The following OPCML variants were observed in gnomAD, a reference collection of about 807,000 sequenced individuals.
OPCML encodes opioid binding protein/cell adhesion molecule like, also known as opioid-binding protein/cell adhesion molecule.
A neutral mutation model predicts 37.8 loss-of-function variants in OPCML; 13 were observed. The ratio of observed to expected loss-of-function variants is 0.34; its 90% CI spans 0.22 to 0.55. The LOEUF is 0.55. Ranked by LOEUF, OPCML falls within the 20% of genes least tolerant of loss-of-function variation. The probability of loss-of-function intolerance (pLI) is 0.91; values close to 1 mark genes in which losing one functional copy is unlikely to be tolerated. For missense variants in OPCML, 341 were observed against 435.6 expected (o/e 0.78, Z 1.93); for synonymous variants, 176 against 168.8 (o/e 1.04, Z -0.33).
At chr11:132,769,035 G>A (rs1258245020) in intron 2 of OPCML, among the ~76,000 whole-genome samples, 1 of 151,688 alleles carries the variant, frequency 6.6e-6, no homozygotes, top group East Asian at 1.9e-4. Flanking sequence ...TGCTCTTTGA[G>A]GTCAGCTCTG....
At chr11:133,481,444 A>AAATAAATAAATAAATAAAT (rs57311169) in intron 1 of OPCML, among the ~76,000 whole-genome samples, 9 of 150,210 alleles carry the variant, frequency 6.0e-5, no homozygotes, top group East Asian at 5.9e-4. Flanking sequence ...CCCAGTTAAA[A>AAATAAATAAATAAATAAAT]AAATAAATAA....
intron 3 of OPCML, among the ~76,000 whole-genome samples, chr11:132,557,314 A>G (rs2096398018): frequency 6.6e-6 from 1 of 152,196 alleles, no homozygotes; most frequent in African/African-American, 2.4e-5. Flanking sequence ...AGTCAGAGGT[A>G]TCACGTCCCT....
intron 1 of OPCML, among the ~76,000 whole-genome samples, chr11:133,170,802 C>T (rs145821303): frequency 2.6e-5 from 4 of 152,338 alleles, no homozygotes; most frequent in African/African-American, 9.6e-5. Flanking sequence ...AGCCACAGCC[C>T]TCTCCATCTA....
At chr11:132,436,911 C>G (rs2096015162) in intron 5 of OPCML, 132 bp from the exon 6 acceptor site, 4 of 1,454,188 alleles carry the variant, frequency 2.8e-6, no homozygotes, top group Middle Eastern at 2.5e-4. Flanking sequence ...CCCTCTTTCC[C>G]AGTAAAATAA....
intron 1 of OPCML, among the ~76,000 whole-genome samples, chr11:133,082,007 G>A (rs1348976748): frequency 6.6e-6 from 1 of 152,088 alleles, no homozygotes; most frequent in Admixed American, 6.5e-5. Context: ...CTGCTCCCGA[G>A]TGTGCCCAGA....
At chr11:133,118,115 G>A (rs776234838) in intron 1 of OPCML, 49 of 662,166 alleles carry the variant, frequency 7.4e-5, no homozygotes, top group Non-Finnish European at 8.4e-5. Flanking sequence ...AGCAAACTGT[G>A]ACTCAGGTGA....
intron 1 of OPCML, among the ~76,000 whole-genome samples, chr11:132,966,876 TG>T (rs775765837): frequency 4.1e-4 from 62 of 152,200 alleles, no homozygotes; most frequent in Non-Finnish European, 5.0e-4. Context: ...TTTTAATTCC[TG>T]TTTGCATGGA....
chr11:132,460,973 T>A (rs1376810794), intron 4 of OPCML, among the ~76,000 whole-genome samples: 2 of 152,218 alleles, frequency 1.3e-5, no homozygotes, highest in African/African-American at 4.8e-5. Flanking sequence ...TTAAATGCTA[T>A]CCCATGAAAT....
chr11:133,367,235 C>T (rs1459211653), intron 1 of OPCML, among the ~76,000 whole-genome samples: 2 of 152,164 alleles, frequency 1.3e-5, no homozygotes, highest in Non-Finnish European at 2.9e-5. Flanking sequence ...CCTCAGCCTC[C>T]CAAAGTGCTG....
chr11:132,532,807 C>G (rs2096329617), intron 3 of OPCML, among the ~76,000 whole-genome samples: 1 of 152,124 alleles, frequency 6.6e-6, no homozygotes, highest in African/African-American at 2.4e-5. Flanking sequence ...CCTTGTTTCC[C>G]CAGGGCCATG....
At chr11:133,439,593 G>A (rs1013174428) in intron 1 of OPCML, among the ~76,000 whole-genome samples, 13 of 151,602 alleles carry the variant, frequency 8.6e-5, no homozygotes, top group African/African-American at 9.7e-5. Context: ...TCAGCCTCCC[G>A]AGTGGCTGGG....
chr11:132,906,372 T>C (rs1383042073), intron 2 of OPCML, among the ~76,000 whole-genome samples: 1 of 152,194 alleles, frequency 6.6e-6, no homozygotes, highest in African/African-American at 2.4e-5. Context: ...TTAGGGCCTA[T>C]GAACAGTCAG....
intron 2 of OPCML, among the ~76,000 whole-genome samples, chr11:132,847,377 C>T (rs1409327857): frequency 6.6e-6 from 1 of 151,924 alleles, no homozygotes; most frequent in Non-Finnish European, 1.5e-5. Context: ...GAGTAAGACT[C>T]CAGAGTTATA....
intron 1 of OPCML, among the ~76,000 whole-genome samples, chr11:133,490,145 G>T (rs2120433428): frequency 6.6e-6 from 1 of 152,278 alleles, no homozygotes; most frequent in Admixed American, 6.5e-5. Context: ...CCTTCAGAGA[G>T]CTTGTTGTTT....
At chr11:133,175,789 C>T (rs558922707) in intron 1 of OPCML, among the ~76,000 whole-genome samples, 38 of 151,804 alleles carry the variant, frequency 2.5e-4, no homozygotes, top group Non-Finnish European at 5.1e-4. Flanking sequence ...TATCTCCCTT[C>T]GCAGCTGAGT....
At chr11:133,418,117 G>T (rs1027248958) in intron 1 of OPCML, 5 of 985,274 alleles carry the variant, frequency 5.1e-6, no homozygotes, top group Non-Finnish European at 3.6e-6. Context: ...GTAAGAATAT[G>T]GCGTGAAGTC....
At chr11:132,870,633 G>A (rs192895053) in intron 2 of OPCML, among the ~76,000 whole-genome samples, 11 of 152,262 alleles carry the variant, frequency 7.2e-5, no homozygotes, top group Middle Eastern at 6.8e-3. Context: ...GACAATAGCC[G>A]AGATAATATG....
intron 1 of OPCML, among the ~76,000 whole-genome samples, chr11:133,218,582 T>C (rs1286622374): frequency 1.3e-5 from 2 of 152,148 alleles, no homozygotes; most frequent in Non-Finnish European, 2.9e-5. Flanking sequence ...TGGTTGGTAC[T>C]GGCTGCATCC....
At chr11:133,162,703 G>C (rs1950161356) in intron 1 of OPCML, among the ~76,000 whole-genome samples, 1 of 151,616 alleles carries the variant, frequency 6.6e-6, no homozygotes, top group Non-Finnish European at 1.5e-5. Context: ...AAGGGTCCCT[G>C]TTTGTGTCAG....
Sources: gnomAD v4.1 joint callset for allele counts (sites outside exome capture counted in the v4.1 genomes callset) on GRCh38, gnomAD v4.1.1 for gene constraint, MANE v1.5 for transcripts, NCBI Gene and HGNC (gene_info 2026-07-23, HGNC 2026-07-21) for gene names.